TAF3: variants seen among roughly 807,000 people sequenced by gnomAD.
TAF3 encodes the protein TATA-box binding protein associated factor 3.
Under a neutral mutation model 80.6 loss-of-function variants are expected in TAF3, and 7 were observed. The observed-to-expected ratio is 0.09, with a 90% CI of 0.05 to 0.16. TAF3 has a LOEUF of 0.16. Among genes scored for constraint, TAF3 ranks in the 10% least tolerant of loss-of-function variants. The pLI, the probability that TAF3 is intolerant of heterozygous loss-of-function variation, is 1.00. For missense variants in TAF3, 921 were observed against 1,140.2 expected (o/e 0.81, Z 2.77); for synonymous variants, 444 against 446.1 (o/e 1.00, Z 0.06).
At chr10:7,892,403 C>G (rs1837464563) in intron 2 of TAF3, among the ~76,000 whole-genome samples, 2 of 152,284 alleles carry the variant, frequency 1.3e-5, no homozygotes, top group South Asian at 2.1e-4. Flanking sequence ...CCATAATGTA[C>G]TTTTCTTTGT....
At position 8,000,804 on chromosome 10, in the gene TAF3, T is replaced by C. The variant is rs116017319; in HGVS notation, c.2316-8274T>C. Among the ~76,000 whole-genome samples, 109 of 152,268 alleles carry C rather than the reference T, an allele frequency of 7.2e-4. 1 individual carries two copies. The highest frequency in any genetic ancestry group is 2.5e-3 in the African/African-American group (104 of 41,552). On this transcript the variant is annotated intron_variant, in intron 4 of 6. Coordinates refer to ENST00000344293, the MANE Select transcript of TAF3 (RefSeq NM_031923.4). ...AAATAATAAATAAATAGATAAAACA[T>C]CTATAATTTTCATGTAAAGGCAATT... is the stretch of plus-strand genomic sequence containing the variant.
chr10:7,982,560 G>T (rs902287513), intron 4 of TAF3, among the ~76,000 whole-genome samples: 1 of 151,950 alleles, frequency 6.6e-6, no homozygotes, highest in Non-Finnish European at 1.5e-5. Context: ...CACCATGCCC[G>T]GCTAATTTTT....
At chr10:7,984,736 A>G (rs1162223638) in intron 4 of TAF3, among the ~76,000 whole-genome samples, 2 of 152,334 alleles carry the variant, frequency 1.3e-5, no homozygotes, top group South Asian at 2.1e-4. Flanking sequence ...ATAGGAAAGT[A>G]CTTAAGATTC....
At chr10:7,965,969 C>T (rs1378758453) in intron 3 of TAF3, among the ~76,000 whole-genome samples, 1 of 152,124 alleles carries the variant, frequency 6.6e-6, no homozygotes, top group African/African-American at 2.4e-5. Flanking sequence ...GCCTAAGAGG[C>T]ATCTAATCAC....
At chr10:7,831,189 A>G (rs1307873590) in intron 2 of TAF3, among the ~76,000 whole-genome samples, 1 of 152,186 alleles carries the variant, frequency 6.6e-6, no homozygotes, top group Non-Finnish European at 1.5e-5. Context: ...TAGTTTATAT[A>G]GGGAAAGCAG....
intron 4 of TAF3, among the ~76,000 whole-genome samples, chr10:7,982,816 A>G (rs1831738307): frequency 6.6e-6 from 1 of 152,238 alleles, no homozygotes. Context: ...GGTGTCCTCC[A>G]CAGCGGTTTT....
intron 2 of TAF3, among the ~76,000 whole-genome samples, chr10:7,952,835 C>T (rs777431871): frequency 6.6e-6 from 1 of 152,064 alleles, no homozygotes; most frequent in Non-Finnish European, 1.5e-5. Context: ...AAAATACATA[C>T]CCACTTACAC....
intron 2 of TAF3, among the ~76,000 whole-genome samples, chr10:7,945,526 C>T (rs1181631981): frequency 6.6e-6 from 1 of 152,082 alleles, no homozygotes; most frequent in Non-Finnish European, 1.5e-5. Context: ...AAGTGGATTC[C>T]CTTTGGCCGC....
intron 1 of TAF3, among the ~76,000 whole-genome samples, chr10:7,822,690 A>G (rs1836702189): frequency 1.3e-5 from 2 of 152,170 alleles, no homozygotes. Context: ...TTACAGTGTG[A>G]TTTAATTTCA....
At chr10:7,941,940 A>G (rs1244142433) in intron 2 of TAF3, among the ~76,000 whole-genome samples, 1 of 152,120 alleles carries the variant, frequency 6.6e-6, no homozygotes, top group African/African-American at 2.4e-5. Context: ...TAATAATTAT[A>G]TATTCAATTA....
Position 7,999,458 on chromosome 10 carries a change from G to GTTT in TAF3, c.2316-9606_2316-9604dup, listed in dbSNP as rs372902098. Among the ~76,000 whole-genome samples, 319 of 133,082 alleles carry GTTT rather than the reference G, an allele frequency of 2.4e-3. 4 individuals are homozygous for GTTT. The highest frequency in any genetic ancestry group is 8.4e-3 in the African/African-American group (300 of 35,810). The allele number at this position is 133,082 out of a possible 152,430, so 87.3% of individuals were successfully genotyped here. The stretch of plus-strand genomic sequence containing the variant: ...AAAAAAGAAAGAAAGAAAGAAAGAA[G>GTTT]TTTTTTTTTTTTTTTTGAGATGGAG... On this transcript the variant is annotated intron_variant, in intron 4 of 6. Transcript: ENST00000344293.
chr10:7,838,412 C>T (rs1161611893), intron 2 of TAF3, among the ~76,000 whole-genome samples: 5 of 151,962 alleles, frequency 3.3e-5, no homozygotes, highest in Admixed American at 3.3e-4. Context: ...GACAGAGTCT[C>T]ACTCTGTTGC....
chr10:7,853,570 A>G (rs1837049706), intron 2 of TAF3, among the ~76,000 whole-genome samples: 1 of 152,254 alleles, frequency 6.6e-6, no homozygotes, highest in Non-Finnish European at 1.5e-5. Context: ...TGATTCAGCA[A>G]AGAAGTTGCT....
intron 2 of TAF3, among the ~76,000 whole-genome samples, chr10:7,853,019 A>G (rs1434493112): frequency 4.6e-5 from 7 of 152,202 alleles, no homozygotes; most frequent in Non-Finnish European, 4.4e-5. Flanking sequence ...TTTATTATCC[A>G]TTGATGTTCA....
chr10:7,973,637 C>T (rs940123085), intron 3 of TAF3, among the ~76,000 whole-genome samples: 4 of 152,138 alleles, frequency 2.6e-5, no homozygotes, highest in African/African-American at 4.8e-5. Flanking sequence ...TTTTTAAAAA[C>T]CTTAATGAGC....
At chr10:7,836,417 G>A (rs551323747) in intron 2 of TAF3, among the ~76,000 whole-genome samples, 11 of 152,010 alleles carry the variant, frequency 7.2e-5, no homozygotes, top group Non-Finnish European at 1.5e-4. Flanking sequence ...TGGGATTAGA[G>A]GCATGAGCTA....
At chr10:7,863,797 T>C (rs1837181392) in intron 2 of TAF3, among the ~76,000 whole-genome samples, 1 of 148,206 alleles carries the variant, frequency 6.7e-6, no homozygotes, top group African/African-American at 2.5e-5. Flanking sequence ...TTAAAGATCT[T>C]TAATTTTTCT....
intron 2 of TAF3, among the ~76,000 whole-genome samples, chr10:7,909,861 C>T (rs1837640468): frequency 6.6e-6 from 1 of 152,092 alleles, no homozygotes; most frequent in Admixed American, 6.5e-5. Context: ...TACAGAAGTC[C>T]CTTAGTATCT....
chr10:7,842,317 A>G (rs1200746627), intron 2 of TAF3, among the ~76,000 whole-genome samples: 1 of 150,372 alleles, frequency 6.7e-6, no homozygotes, highest in East Asian at 1.9e-4. Context: ...GCACCACCAC[A>G]CTCAACTAAT....
Sources: gnomAD v4.1 joint callset for allele counts (sites outside exome capture counted in the v4.1 genomes callset) on GRCh38, gnomAD v4.1.1 for gene constraint, MANE v1.5 for transcripts, NCBI Gene and HGNC (gene_info 2026-07-23, HGNC 2026-07-21) for gene names.